The following IMMP2L variants were observed in gnomAD, a reference collection of about 807,000 sequenced individuals.
IMMP2L encodes mitochondrial inner membrane protease subunit 2.
Under a neutral mutation model 19.3 loss-of-function variants are expected in IMMP2L, and 18 were observed. The ratio of observed to expected loss-of-function variants is 0.93; its 90% CI spans 0.64 to 1.38. The LOEUF (loss-of-function observed/expected upper bound fraction) is 1.38, where lower values mean the gene tolerates loss of function less well. Among genes scored for constraint, IMMP2L ranks in the 40% most tolerant of loss-of-function variants. The pLI, the probability that IMMP2L is intolerant of heterozygous loss-of-function variation, is 0.00. For missense variants in IMMP2L, 233 were observed against 218.2 expected (o/e 1.07, Z -0.43); for synonymous variants, 76 against 73.0 (o/e 1.04, Z -0.21).
intron 2 of IMMP2L, among the ~76,000 whole-genome samples, chr7:111,515,848 T>G (rs747929668): frequency 2.0e-5 from 3 of 152,102 alleles, no homozygotes; most frequent in Non-Finnish European, 4.4e-5. Context: ...AAGTCCTAAA[T>G]GTACTACAGA....
In IMMP2L at chr7:110,780,303, A is replaced by C. The variant is rs115987684; in HGVS notation, c.408+106290T>G. 6.2e-3 allele frequency among the ~76,000 whole-genome samples: 930 copies of C among 151,176 alleles called. 8 individuals carry two copies. Among genetic ancestry groups the C allele is most frequent in the African/African-American group, 0.021 (871 of 41,216 alleles). On this transcript the variant is annotated intron_variant, in intron 5 of 5. Transcript: ENST00000405709. ...TCTGGATTAGTTCTCTATATACTAG[A>C]TAGAAAAAGGTTTTTGTGTTAAAAA...
intron 3 of IMMP2L, among the ~76,000 whole-genome samples, chr7:111,078,162 G>T (rs1341907971): frequency 6.6e-6 from 1 of 152,138 alleles, no homozygotes; most frequent in Non-Finnish European, 1.5e-5. Context: ...TGAAAACAGT[G>T]ACTTTATTTT....
chr7:111,502,542 C>T (rs1246623141), intron 2 of IMMP2L, among the ~76,000 whole-genome samples: 1 of 152,058 alleles, frequency 6.6e-6, no homozygotes, highest in Non-Finnish European at 1.5e-5. Flanking sequence ...CACACCACAC[C>T]TATTCCAAAA....
At chr7:110,791,514 T>C (rs889269397) in intron 5 of IMMP2L, among the ~76,000 whole-genome samples, 3 of 11,558 alleles carry the variant, frequency 2.6e-4, no homozygotes, top group Non-Finnish European at 6.5e-4. Flanking sequence ...TATGAATCCT[T>C]TAGATTTTTA....
At chr7:110,663,796 A>C in intron 5 of IMMP2L, 75 bp from the exon 6 acceptor site, 1 of 1,050,188 alleles carries the variant, frequency 9.5e-7, no homozygotes, top group Non-Finnish European at 1.3e-6. Context: ...GCTTGAAAGC[A>C]GAATTTAATC....
At chr7:111,439,866 T>C (rs1837549860) in intron 3 of IMMP2L, among the ~76,000 whole-genome samples, 1 of 151,942 alleles carries the variant, frequency 6.6e-6, no homozygotes, top group Admixed American at 6.5e-5. Flanking sequence ...ACCCTGTCAC[T>C]GCTTTACCAC....
intron 5 of IMMP2L, among the ~76,000 whole-genome samples, chr7:110,827,013 A>C (rs58664841): frequency 0.085 from 12,999 of 152,108 alleles, 832 homozygotes; most frequent in African/African-American, 0.18. Context: ...GATTTGTACA[A>C]AGACACCAGG....
chr7:111,180,383 A>G (rs1418642608), intron 3 of IMMP2L, among the ~76,000 whole-genome samples: 1 of 152,002 alleles, frequency 6.6e-6, no homozygotes, highest in Admixed American at 6.6e-5. Flanking sequence ...AGAGGAAAAG[A>G]GATCCGGAAC....
intron 3 of IMMP2L, among the ~76,000 whole-genome samples, chr7:111,115,213 T>C (rs1799733613): frequency 6.6e-6 from 1 of 152,210 alleles, no homozygotes; most frequent in Non-Finnish European, 1.5e-5. Context: ...AATAATGTAC[T>C]GTTATGACAT....
intron 3 of IMMP2L, among the ~76,000 whole-genome samples, chr7:111,359,109 G>A (rs1829009633): frequency 6.6e-6 from 1 of 152,080 alleles, no homozygotes; most frequent in African/African-American, 2.4e-5. Context: ...CATTACTTTG[G>A]AAGGCAAGGT....
At chr7:111,546,570 G>A (rs1043582026) in intron 1 of IMMP2L, among the ~76,000 whole-genome samples, 2 of 151,870 alleles carry the variant, frequency 1.3e-5, no homozygotes, top group African/African-American at 2.4e-5. Context: ...GTTTTTCTTT[G>A]CTTTTTGATA....
intron 3 of IMMP2L, among the ~76,000 whole-genome samples, chr7:111,254,488 T>C (rs1023896559): frequency 6.6e-6 from 1 of 152,150 alleles, no homozygotes; most frequent in East Asian, 1.9e-4. Flanking sequence ...TGAAATAGGA[T>C]ATTTCGCTAC....
chr7:111,041,819 G>A (rs537281928), intron 3 of IMMP2L, among the ~76,000 whole-genome samples: 2 of 152,252 alleles, frequency 1.3e-5, no homozygotes, highest in South Asian at 4.1e-4. Flanking sequence ...TAGTACATAG[G>A]GATATGAGGC....
At chr7:110,768,848 C>T (rs1445095273) in intron 5 of IMMP2L, among the ~76,000 whole-genome samples, 2 of 152,142 alleles carry the variant, frequency 1.3e-5, no homozygotes, top group Non-Finnish European at 1.5e-5. Context: ...TTGTCTAGTC[C>T]GTTCCTGTTT....
rs73201054 is a variant in IMMP2L at position 111,041,493 on chromosome 7, C to A, written c.240-77928G>T. On this transcript the variant is annotated intron_variant, in intron 3 of 5. Coordinates refer to ENST00000405709, the MANE Select transcript of IMMP2L (RefSeq NM_032549.4). ...GCTTTTCTAGTTTGCATTCTTTTAACCACTCAGGGGCACATGTAAAGTTAA... is the reference window on the plus strand; with the variant it reads ...GCTTTTCTAGTTTGCATTCTTTTAAACACTCAGGGGCACATGTAAAGTTAA... Among the ~76,000 whole-genome samples the A allele has an allele frequency of 2.6e-3, 402 of 151,700 alleles. 3 individuals carry two copies. The highest frequency in any genetic ancestry group is 0.02 in the Middle Eastern group (6 of 294).
At chr7:110,956,521 C>T (rs1458834630) in intron 4 of IMMP2L, among the ~76,000 whole-genome samples, 1 of 151,972 alleles carries the variant, frequency 6.6e-6, no homozygotes, top group African/African-American at 2.4e-5. Context: ...AAGCAGATTA[C>T]ATTTCTTTAG....
intron 5 of IMMP2L, among the ~76,000 whole-genome samples, chr7:110,751,044 C>A (rs1286138507): frequency 6.6e-6 from 1 of 151,740 alleles, no homozygotes; most frequent in African/African-American, 2.4e-5. Context: ...GAAGATAAAC[C>A]TTTTCAGTAG....
intron 5 of IMMP2L, among the ~76,000 whole-genome samples, chr7:110,725,259 T>G (rs1795816955): frequency 6.6e-6 from 1 of 152,170 alleles, no homozygotes; most frequent in Non-Finnish European, 1.5e-5. Flanking sequence ...CAGGCTTTCA[T>G]TTGGCATTAA....
chr7:111,534,714 T>C (rs1381890599), intron 1 of IMMP2L, among the ~76,000 whole-genome samples: 1 of 152,192 alleles, frequency 6.6e-6, no homozygotes, highest in Non-Finnish European at 1.5e-5. Flanking sequence ...CTATGCTGGT[T>C]CATACACAAT....
Sources: gnomAD v4.1 joint callset for allele counts (sites outside exome capture counted in the v4.1 genomes callset) on GRCh38, gnomAD v4.1.1 for gene constraint, MANE v1.5 for transcripts, NCBI Gene and HGNC (gene_info 2026-07-23, HGNC 2026-07-21) for gene names.